Variants in PRKCB observed in about 807,000 individuals in gnomAD.
PRKCB encodes protein kinase C beta type.
Under a neutral mutation model 81.5 loss-of-function variants are expected in PRKCB, and 13 were observed. The observed-to-expected ratio is 0.16, with a 90% CI of 0.10 to 0.25. The LOEUF is 0.25. PRKCB is among the 10% of genes least tolerant of loss of function. The pLI, the probability that PRKCB is intolerant of heterozygous loss-of-function variation, is 1.00. For missense variants in PRKCB, 509 were observed against 875.7 expected, an observed-to-expected ratio of 0.58 and a Z score of 5.29; for synonymous variants, 335 against 321.4, an observed-to-expected ratio of 1.04 and a Z score of -0.45.
chr16:24,067,659 A>G (rs1966053935), intron 5 of PRKCB, among the ~76,000 whole-genome samples: 1 of 152,060 alleles, frequency 6.6e-6, no homozygotes, highest in South Asian at 2.1e-4. Flanking sequence ...ATTTCAGATG[A>G]TTCCTTGCTA....
At chr16:24,051,155 C>T (rs895434387) in intron 5 of PRKCB, among the ~76,000 whole-genome samples, 3 of 152,210 alleles carry the variant, frequency 2.0e-5, no homozygotes, top group East Asian at 1.9e-4. Context: ...GAGGAGCAGG[C>T]GTGCCACTCC....
intron 3 of PRKCB, among the ~76,000 whole-genome samples, chr16:24,005,703 C>G (rs1965107682): frequency 6.6e-6 from 1 of 152,146 alleles, no homozygotes. Flanking sequence ...TTGGCTCTGC[C>G]AACAAGGCCC....
chr16:24,019,540 G>A (rs1200137904), intron 3 of PRKCB, among the ~76,000 whole-genome samples: 1 of 152,092 alleles, frequency 6.6e-6, no homozygotes, highest in African/African-American at 2.4e-5. Flanking sequence ...GAAGCAGGCG[G>A]ACCACTTGAG....
In PRKCB at chr16:24,215,229, C is replaced by G. The variant is rs1193506767; in HGVS notation, c.*413C>G. 1 of 1,001,682 alleles carries G rather than the reference C, an allele frequency of 1.0e-6. No individual in the cohort carries two copies. The highest frequency in any genetic ancestry group is 1.7e-5 in the African/African-American group (1 of 57,710). 62.0% of individuals were successfully genotyped at this position (1,001,682 alleles called of 1,614,324 possible). On this transcript the variant is annotated 3_prime_UTR_variant, in exon 17 of 17. Coordinates refer to ENST00000643927, the MANE Select transcript of PRKCB (RefSeq NM_002738.7). ...TCCGGGCCTGGAGCTTGGCTTGTAT[C>G]CAAGTGTATGGTTGCTTTGCCTAAG...
intron 2 of PRKCB, among the ~76,000 whole-genome samples, chr16:23,911,379 C>T (rs1346450065): frequency 2.6e-5 from 4 of 151,830 alleles, no homozygotes; most frequent in African/African-American, 7.3e-5. Context: ...CCACCCACCT[C>T]GGCCTCCCAA....
At chr16:23,878,035 C>T (rs1025636768) in intron 2 of PRKCB, among the ~76,000 whole-genome samples, 4 of 151,928 alleles carry the variant, frequency 2.6e-5, no homozygotes, top group East Asian at 1.9e-4. Flanking sequence ...GGTTTCACCA[C>T]GTTGGCCAGG....
intron 13 of PRKCB, 77 bp downstream of exon 13, chr16:24,181,005 A>T: frequency 1.3e-6 from 2 of 1,556,350 alleles, no homozygotes; most frequent in South Asian, 2.4e-5. Context: ...AGAGCTGGGA[A>T]GGGTTGAGGG....
At chr16:23,919,794 G>A (rs1022351180) in intron 2 of PRKCB, among the ~76,000 whole-genome samples, 5 of 152,102 alleles carry the variant, frequency 3.3e-5, no homozygotes, top group South Asian at 4.1e-4. Context: ...TTTGTGTAAC[G>A]TTATCAAGGT....
chr16:24,019,632 C>A (rs907830891), intron 3 of PRKCB, among the ~76,000 whole-genome samples: 1 of 151,924 alleles, frequency 6.6e-6, no homozygotes, highest in African/African-American at 2.4e-5. Context: ...GGCATGGTAG[C>A]GTGCACCAGT....
In PRKCB at chr16:24,082,804, C is replaced by T. The variant is rs368561494; in HGVS notation, c.530-9987C>T. On this transcript the variant is annotated intron_variant, in intron 5 of 16. Coordinates refer to ENST00000643927, the MANE Select transcript of PRKCB (RefSeq NM_002738.7). Reference sequence around the variant, plus strand: ...TGTAGTTATACAAAGAGTTCTTAGACGTGACACTTAAAAACGTGACCCATA... The same window carrying T: ...TGTAGTTATACAAAGAGTTCTTAGATGTGACACTTAAAAACGTGACCCATA... 4.6e-5 allele frequency among the ~76,000 whole-genome samples: 7 copies of T among 150,712 alleles called. No individual in the cohort carries two copies. The South Asian group carries it at 1.3e-3, about 27-fold the overall frequency.
intron 3 of PRKCB, among the ~76,000 whole-genome samples, chr16:24,006,222 G>A (rs982661043): frequency 1.3e-5 from 2 of 152,194 alleles, no homozygotes; most frequent in Admixed American, 1.3e-4. Context: ...AATGCCAAGA[G>A]GATGCCTTAG....
chr16:23,980,129 G>A (rs1964675214), intron 2 of PRKCB, among the ~76,000 whole-genome samples: 1 of 152,236 alleles, frequency 6.6e-6, no homozygotes, highest in South Asian at 2.1e-4. Flanking sequence ...TCACAGGACT[G>A]TGATGAGGCT....
chr16:24,089,028 A>G (rs925856794), intron 5 of PRKCB, among the ~76,000 whole-genome samples: 2 of 152,182 alleles, frequency 1.3e-5, no homozygotes, highest in Non-Finnish European at 2.9e-5. Context: ...GCAGCTCACT[A>G]TGTGATAGAT....
chr16:23,911,128 C>CTTTTTTGTTTTTTTTTTTTTTT (rs1963645520), intron 2 of PRKCB, among the ~76,000 whole-genome samples: 1 of 31,558 alleles, frequency 3.2e-5, no homozygotes, highest in Non-Finnish European at 5.4e-5. Context: ...CGTATATATG[C>CTTTTTTGTTTTTTTTTTTTTTT]TTTTTTTTTT....
At chr16:24,104,454 T>C (rs1206855752) in intron 7 of PRKCB, among the ~76,000 whole-genome samples, 1 of 152,218 alleles carries the variant, frequency 6.6e-6, no homozygotes, top group African/African-American at 2.4e-5. Flanking sequence ...GTTTTCTTTT[T>C]AGTTGAAGAA....
At chr16:24,153,228 A>G (rs1967105314) in intron 9 of PRKCB, among the ~76,000 whole-genome samples, 1 of 152,120 alleles carries the variant, frequency 6.6e-6, no homozygotes, top group African/African-American at 2.4e-5. Flanking sequence ...AGTTGAGTGT[A>G]GCATCTAATT....
intron 2 of PRKCB, among the ~76,000 whole-genome samples, chr16:23,920,875 C>G (rs1963814263): frequency 6.6e-6 from 1 of 152,196 alleles, no homozygotes; most frequent in African/African-American, 2.4e-5. Context: ...TAAAGACACA[C>G]CTGAGACCAG....
At chr16:23,902,563 G>A (rs948700585) in intron 2 of PRKCB, among the ~76,000 whole-genome samples, 3 of 152,100 alleles carry the variant, frequency 2.0e-5, no homozygotes, top group African/African-American at 7.2e-5. Context: ...TACAGACGGG[G>A]AAGCTGAGGC....
chr16:24,181,016 T>C lies in PRKCB; in HGVS notation c.1533+88T>C. 2 of 1,511,534 alleles carry C rather than the reference T, an allele frequency of 1.3e-6. 1 individual carries two copies. The highest frequency in any genetic ancestry group is 2.6e-5 in the South Asian group (2 of 77,554). 93.6% of individuals were successfully genotyped at this position (1,511,534 alleles called of 1,614,324 possible). On this transcript the variant is annotated intron_variant, in intron 13 of 16. Transcript: ENST00000643927. ...TGTGAGAGCTGGGAAGGGTTGAGGGTGGTACCTTGCAAGGGAACCTCGGAC... is the reference window on the plus strand; with the variant it reads ...TGTGAGAGCTGGGAAGGGTTGAGGGCGGTACCTTGCAAGGGAACCTCGGAC...
Sources: allele counts gnomAD v4.1 joint callset (sites outside exome capture counted in the v4.1 genomes callset), GRCh38; gene constraint gnomAD v4.1.1; transcripts MANE v1.5; gene names NCBI Gene and HGNC (gene_info 2026-07-23, HGNC 2026-07-21).